The following LRRC63 variants were observed in gnomAD, a reference collection of about 807,000 sequenced individuals.
LRRC63 encodes leucine rich repeat containing 63.
A neutral mutation model predicts 49.5 loss-of-function variants in LRRC63; 40 were observed. That is an observed-to-expected ratio of 0.81 (90% confidence interval 0.63 to 1.05). The LOEUF (loss-of-function observed/expected upper bound fraction) is 1.05, where lower values mean the gene tolerates loss of function less well. Ranked by LOEUF, LRRC63 falls within the 50% of genes least tolerant of loss-of-function variation. The pLI, the probability that LRRC63 is intolerant of heterozygous loss-of-function variation, is 0.00. For synonymous variants in LRRC63, 191 were observed against 221.1 expected, an observed-to-expected ratio of 0.86 and a Z score of 1.21; for missense variants, 636 against 663.1, an observed-to-expected ratio of 0.96 and a Z score of 0.45.
At chr13:46,238,091 CA>C (rs1164885831) in intron 5 of LRRC63, among the ~76,000 whole-genome samples, 1 of 152,102 alleles carries the variant, frequency 6.6e-6, no homozygotes, top group Non-Finnish European at 1.5e-5. Context: ...CTCAATTCAA[CA>C]AGAAGACATA....
intron 2 of LRRC63, among the ~76,000 whole-genome samples, chr13:46,226,967 T>C (rs544691271): frequency 6.6e-6 from 1 of 152,350 alleles, no homozygotes; most frequent in African/African-American, 2.4e-5. Context: ...GTGGATTTTC[T>C]GGACGTAAGA....
At chr13:46,251,848 TAAA>T (rs1284150823) in intron 7 of LRRC63, among the ~76,000 whole-genome samples, 1 of 151,826 alleles carries the variant, frequency 6.6e-6, no homozygotes, top group Non-Finnish European at 1.5e-5. Context: ...TTAAACAAAA[TAAA>T]AATTCCTAAA....
chr13:46,228,804 A>AT (rs1254417268), intron 4 of LRRC63, 71 bp downstream of exon 4: 10 of 1,083,286 alleles, frequency 9.2e-6, no homozygotes, highest in South Asian at 1.4e-5. Context: ...ATTATGGGTG[A>AT]TTTTTTGTGT....
intron 2 of LRRC63, among the ~76,000 whole-genome samples, chr13:46,220,468 T>C (rs2046373042): frequency 6.6e-6 from 1 of 152,110 alleles, no homozygotes; most frequent in South Asian, 2.1e-4. Flanking sequence ...ACCAAGCTTG[T>C]GTCCCAGGTC....
At chr13:46,276,747 G>C in exon 10 of LRRC63, 1 of 1,226,386 alleles carries the variant, frequency 8.2e-7, no homozygotes, top group Non-Finnish European at 1.0e-6. Context: ...TTTTGTTTTA[G>C]ATGGTAGTCC....
chr13:46,261,821 A>G, intron 7 of LRRC63, 88 bp from the exon 8 acceptor site: 1 of 392,398 alleles, frequency 2.5e-6, no homozygotes, highest in Non-Finnish European at 4.5e-6. Context: ...TCTGGTTTCT[A>G]TACTCCTGCC....
intron 2 of LRRC63, among the ~76,000 whole-genome samples, chr13:46,226,531 G>A (rs1379815369): frequency 6.6e-6 from 1 of 152,148 alleles, no homozygotes; most frequent in Admixed American, 6.5e-5. Flanking sequence ...CAGGGAGGTG[G>A]ATAGGGGAAG....
intron 5 of LRRC63, among the ~76,000 whole-genome samples, chr13:46,240,950 C>T (rs1174313380): frequency 6.6e-6 from 1 of 152,184 alleles, no homozygotes; most frequent in Non-Finnish European, 1.5e-5. Flanking sequence ...TGTTAAACTA[C>T]CAGTGACATT....
intron 1 of LRRC63, 116 bp from the exon 2 acceptor site, chr13:46,212,886 T>G (rs2046135073): frequency 3.8e-6 from 2 of 521,756 alleles, no homozygotes; most frequent in Non-Finnish European, 6.7e-6. Flanking sequence ...GAATTCTGCC[T>G]GGATTCAGTA....
In LRRC63 at chr13:46,259,968, A is replaced by G. The variant is rs113660776; in HGVS notation, c.1227-1941A>G. ...GCTAATAAATCAAGCAATGAAATAA[A>G]TGTAAAAAGTTTTACATATCCTAAA... On this transcript the variant is annotated intron_variant, in intron 7 of 9. Coordinates refer to ENST00000595396, the Ensembl canonical transcript of LRRC63. 5.4e-3 allele frequency among the ~76,000 whole-genome samples: 828 copies of G among 152,366 alleles called. 7 individuals are homozygous for G. The highest frequency in any genetic ancestry group is 0.019 in the African/African-American group (799 of 41,586).
intron 4 of LRRC63, 69 bp from the exon 5 acceptor site, chr13:46,234,123 A>G: frequency 7.3e-7 from 1 of 1,360,988 alleles, no homozygotes; most frequent in Non-Finnish European, 1.0e-6. Flanking sequence ...TAAGATAAAT[A>G]CCTCTTAACT....
chr13:46,248,873 A>G (rs2047293535), intron 6 of LRRC63, among the ~76,000 whole-genome samples: 2 of 151,158 alleles, frequency 1.3e-5, no homozygotes, highest in Non-Finnish European at 3.0e-5. Context: ...ATTTTCCAGG[A>G]TAAATCATAT....
chr13:46,270,573 A>G, intron 9 of LRRC63: 1 of 877,282 alleles, frequency 1.1e-6, no homozygotes, highest in South Asian at 1.3e-5. Context: ...CAAAAACGGT[A>G]TGAAGAAGTC....
intron 6 of LRRC63, among the ~76,000 whole-genome samples, 169 bp downstream of exon 6, chr13:46,246,794 C>G (rs1376655297): frequency 6.6e-6 from 1 of 152,108 alleles, no homozygotes; most frequent in Admixed American, 6.6e-5. Flanking sequence ...TACAGTACAT[C>G]TTTCTTAGGA....
chr13:46,257,559 G>A (rs1371189817), intron 7 of LRRC63, among the ~76,000 whole-genome samples: 9 of 152,132 alleles, frequency 5.9e-5, no homozygotes, highest in Admixed American at 5.9e-4. Flanking sequence ...AAGGTAATAA[G>A]TGATATGAAA....
Position 46,268,874 on chromosome 13 carries a change from C to A in LRRC63, c.1550+1902C>A, listed in dbSNP as rs185722347. Among the ~76,000 whole-genome samples, 79 of 148,232 alleles carry A rather than the reference C, an allele frequency of 5.3e-4. 1 individual carries two copies. Among genetic ancestry groups the A allele is most frequent in the African/African-American group, 1.9e-3 (74 of 37,986 alleles). On this transcript the variant is annotated intron_variant, in intron 9 of 9. Coordinates refer to ENST00000595396, the Ensembl canonical transcript of LRRC63. ...GGGGTTTAAAAAATATAACTAAAAC[C>A]AGACATCAAACAGTTAGAAATATAA...
intron 7 of LRRC63, among the ~76,000 whole-genome samples, chr13:46,259,062 G>T (rs898040352): frequency 3.3e-5 from 5 of 152,128 alleles, no homozygotes; most frequent in African/African-American, 1.2e-4. Flanking sequence ...GAGCAACTTA[G>T]GGCATACTGT....
At chr13:46,246,373 TA>T (rs1047645671) in intron 5 of LRRC63, among the ~76,000 whole-genome samples, 153 bp from the exon 6 acceptor site, 3 of 151,324 alleles carry the variant, frequency 2.0e-5, no homozygotes, top group East Asian at 1.9e-4. Flanking sequence ...CATGACAGAC[TA>T]AAAAAAAATG....
chr13:46,229,330 G>T, intron 4 of LRRC63, among the ~76,000 whole-genome samples: 1 of 152,144 alleles, frequency 6.6e-6, no homozygotes, highest in East Asian at 1.9e-4. Flanking sequence ...TATTAAAGCT[G>T]CCAAAAATAT....
Sources: gnomAD v4.1 joint callset for allele counts (sites outside exome capture counted in the v4.1 genomes callset) on GRCh38, gnomAD v4.1.1 for gene constraint, MANE v1.5 for transcripts, NCBI Gene and HGNC (gene_info 2026-07-23, HGNC 2026-07-21) for gene names.